CCDC73: variants seen among roughly 807,000 people sequenced by gnomAD.
The protein encoded by CCDC73 is coiled-coil domain containing 73, also known as coiled-coil domain-containing protein 73.
Under a neutral mutation model 116.5 loss-of-function variants are expected in CCDC73, and 95 were observed. That is an observed-to-expected ratio of 0.82 (90% CI 0.69 to 0.97). CCDC73 has a LOEUF of 0.97. Ranked by LOEUF, CCDC73 falls within the 50% of genes least tolerant of loss-of-function variation. The pLI, the probability that CCDC73 is intolerant of heterozygous loss-of-function variation, is 0.00. For synonymous variants in CCDC73, 398 were observed against 401.3 expected, an observed-to-expected ratio of 0.99 and a Z score of 0.10; for missense variants, 1,066 against 1,206.8, an observed-to-expected ratio of 0.88 and a Z score of 1.73.
chr11:32,734,668 A>G lies in CCDC73; in HGVS notation c.136-16521T>C, dbSNP rs145849822. ...CTTCAAGCATCTCCTAACTCATTTT[A>G]TAAGGCCAGCATCATCCTGATACCA... On this transcript the variant is annotated intron_variant, in intron 2 of 17. Coordinates refer to ENST00000335185, the MANE Select transcript of CCDC73 (RefSeq NM_001008391.4). 4.6e-5 allele frequency among the ~76,000 whole-genome samples: 7 copies of G among 152,266 alleles called. No homozygotes were observed. In the East Asian group the frequency reaches 1.4e-3, roughly 29 times the overall value.
intron 17 of CCDC73, among the ~76,000 whole-genome samples, chr11:32,608,382 GC>G (rs1654647472): frequency 6.6e-6 from 1 of 152,120 alleles, no homozygotes; most frequent in South Asian, 2.1e-4. Context: ...GGAGAAATTG[GC>G]CAAAACAAAG....
At chr11:32,798,347 G>T (rs147240673), upstream of CCDC73, among the ~76,000 whole-genome samples, 461 of 152,378 alleles carry the variant, frequency 3.0e-3, 5 homozygotes, top group African/African-American at 0.011. Context: ...AGGCTGGAGT[G>T]CAGTGGCACA....
At position 32,758,440 on chromosome 11, in the gene CCDC73, C is replaced by T. The variant is rs115617503; in HGVS notation, c.135+1669G>A. On this transcript the variant is annotated intron_variant, in intron 2 of 17. Coordinates refer to ENST00000335185, the MANE Select transcript of CCDC73 (RefSeq NM_001008391.4). ...CCAAGTAGATTTCAAGGAGTTTGTG[C>T]TGTGAGACCTAAAGTTCTTATGAGG... 4.8e-3 allele frequency: 2,267 copies of T among 476,076 alleles called. 52 individuals are homozygous for T. Among genetic ancestry groups the T allele is most frequent in the African/African-American group, 0.04 (2,031 of 50,702 alleles). 29.5% of individuals were successfully genotyped at this position (476,076 alleles called of 1,614,324 possible).
intron 1 of CCDC73, among the ~76,000 whole-genome samples, chr11:32,792,555 G>A (rs866482563): frequency 1.9e-4 from 29 of 152,262 alleles, no homozygotes; most frequent in Middle Eastern, 6.8e-3. Context: ...CACAGGACTA[G>A]TGCTCCCTGG....
At chr11:32,757,499 A>T (rs1350332739) in intron 2 of CCDC73, among the ~76,000 whole-genome samples, 4 of 152,300 alleles carry the variant, frequency 2.6e-5, no homozygotes, top group Non-Finnish European at 4.4e-5. Context: ...TACTATTACT[A>T]CTGTAACAAA....
the CCDC73 span, chr11:32,830,453 CA>C: frequency 2.4e-6 from 3 of 1,269,128 alleles, no homozygotes; most frequent in Non-Finnish European, 3.1e-6. Context: ...GACAGAAACT[CA>C]AAGTGCTGAG....
At chr11:32,636,235 T>C (rs1565062934) in intron 13 of CCDC73, among the ~76,000 whole-genome samples, 2 of 152,088 alleles carry the variant, frequency 1.3e-5, no homozygotes, top group African/African-American at 4.8e-5. Context: ...AACAAAAAAT[T>C]AAATTCATAA....
At chr11:32,609,601 CT>C (rs1855394475) in intron 17 of CCDC73, among the ~76,000 whole-genome samples, 1 of 152,148 alleles carries the variant, frequency 6.6e-6, no homozygotes, top group South Asian at 2.1e-4. Context: ...TCCAAAGTTG[CT>C]TCCACATTTT....
chr11:32,624,130 G>A (rs953487365), intron 14 of CCDC73, among the ~76,000 whole-genome samples: 3 of 151,368 alleles, frequency 2.0e-5, no homozygotes, highest in East Asian at 1.9e-4. Context: ...TCAGGAGATC[G>A]AGACCATCCT....
the CCDC73 span, among the ~76,000 whole-genome samples, chr11:32,825,244 T>G: frequency 6.6e-6 from 1 of 151,574 alleles, no homozygotes; most frequent in African/African-American, 2.4e-5. Context: ...AATGTGTGTC[T>G]TTCAGTACCG....
At chr11:32,772,382 C>CA (rs921000438) in intron 1 of CCDC73, among the ~76,000 whole-genome samples, 3 of 151,272 alleles carry the variant, frequency 2.0e-5, no homozygotes, top group Admixed American at 6.6e-5. Flanking sequence ...TAAAGGACAA[C>CA]AAAAAAAAAT....
intron 2 of CCDC73, among the ~76,000 whole-genome samples, chr11:32,739,554 G>C (rs1850165588): frequency 6.6e-6 from 1 of 152,064 alleles, no homozygotes; most frequent in African/African-American, 2.4e-5. Context: ...TTTGTATTCT[G>C]CAACTTTACT....
intron 1 of CCDC73, among the ~76,000 whole-genome samples, chr11:32,776,989 G>GTATATATATATATATA (rs71063758): frequency 1.4e-4 from 14 of 101,130 alleles, no homozygotes; most frequent in Middle Eastern, 5.8e-3. Context: ...ATATACACAT[G>GTATATATATATATATA]TATATATATA....
the CCDC73 span, among the ~76,000 whole-genome samples, chr11:32,818,121 T>G: frequency 6.6e-6 from 1 of 152,252 alleles, no homozygotes; most frequent in Non-Finnish European, 1.5e-5. Flanking sequence ...CTTCAAATGC[T>G]CCCTCCTCTG....
At chr11:32,767,698 G>C (rs1850455562) in intron 1 of CCDC73, among the ~76,000 whole-genome samples, 1 of 152,220 alleles carries the variant, frequency 6.6e-6, no homozygotes, top group African/African-American at 2.4e-5. Flanking sequence ...AGACATTTAT[G>C]CAGCCAAAAG....
chr11:32,607,339 G>A (rs560859436), intron 17 of CCDC73, among the ~76,000 whole-genome samples: 5 of 151,286 alleles, frequency 3.3e-5, no homozygotes, highest in South Asian at 2.1e-4. Flanking sequence ...TGATCCGCCC[G>A]CCTCGGCCTC....
intron 1 of CCDC73, among the ~76,000 whole-genome samples, chr11:32,782,216 T>C (rs1245189815): frequency 6.6e-6 from 1 of 152,178 alleles, no homozygotes; most frequent in African/African-American, 2.4e-5. Flanking sequence ...GTATAATTAT[T>C]TCATTACATA....
chr11:32,723,869 TTAA>T (rs1347688518), intron 2 of CCDC73, among the ~76,000 whole-genome samples: 1 of 152,098 alleles, frequency 6.6e-6, no homozygotes, highest in African/African-American at 2.4e-5. Context: ...TCATTGACAT[TTAA>T]TAAGAATTTT....
At chr11:32,733,175 C>T (rs1276472332) in intron 2 of CCDC73, among the ~76,000 whole-genome samples, 1 of 152,070 alleles carries the variant, frequency 6.6e-6, no homozygotes, top group Non-Finnish European at 1.5e-5. Flanking sequence ...ACAAAGAAGG[C>T]CATTATATAA....
Sources: gnomAD v4.1 joint callset for allele counts (sites outside exome capture counted in the v4.1 genomes callset) on GRCh38, gnomAD v4.1.1 for gene constraint, MANE v1.5 for transcripts, NCBI Gene and HGNC (gene_info 2026-07-23, HGNC 2026-07-21) for gene names.